UBASH3B: variants seen among roughly 807,000 people sequenced by gnomAD.
UBASH3B encodes ubiquitin-associated and SH3 domain-containing protein B.
UBASH3B carries 37 observed loss-of-function variants against 83.4 expected under a neutral mutation model. The ratio of observed to expected loss-of-function variants is 0.44; its 90% confidence interval spans 0.34 to 0.58. The LOEUF is 0.58. Ranked by LOEUF, UBASH3B falls within the 20% of genes least tolerant of loss-of-function variation. The pLI is 0.01. For synonymous variants in UBASH3B, 304 were observed against 318.3 expected (o/e 0.96, Z 0.48); for missense variants, 657 against 827.2 (o/e 0.79, Z 2.52).
intron 1 of UBASH3B, among the ~76,000 whole-genome samples, chr11:122,675,962 T>C (rs1591764041): frequency 6.6e-6 from 1 of 152,220 alleles, no homozygotes; most frequent in East Asian, 1.9e-4. Flanking sequence ...AAGCAGTACT[T>C]CCATTTTACA....
At chr11:122,789,912 G>A (rs78981758) in intron 6 of UBASH3B, among the ~76,000 whole-genome samples, 4,131 of 152,088 alleles carry the variant, frequency 0.027, 163 homozygotes, top group East Asian at 0.17. Flanking sequence ...CTTTCCACCC[G>A]TCCCTCATTA....
intron 1 of UBASH3B, among the ~76,000 whole-genome samples, chr11:122,742,809 T>C (rs183692196): frequency 3.6e-4 from 55 of 152,374 alleles, no homozygotes; most frequent in African/African-American, 1.3e-3. Context: ...AGAAATGTCA[T>C]ACTATGACTT....
chr11:122,734,791 C>A, intron 1 of UBASH3B, among the ~76,000 whole-genome samples: 1 of 149,366 alleles, frequency 6.7e-6, no homozygotes. Context: ...ACTTTTTAAG[C>A]TGTATCTTAA....
intron 1 of UBASH3B, chr11:122,726,094 C>T (rs575378004): frequency 6.6e-6 from 1 of 152,188 alleles, no homozygotes; most frequent in African/African-American, 2.4e-5. Flanking sequence ...GGTTTACACA[C>T]AAGTTTGCCC....
rs1491057397 is a variant in UBASH3B, at chr11:122,699,559, TTC to T, written c.161+43351_161+43352del. ...TTTCTTTCTTTCTTTCTTTCTTTCTTTCTTTCTTTCTTTCTTTTCTTTCTTTC... is the reference window on the plus strand; with the variant it reads ...TTTCTTTCTTTCTTTCTTTCTTTCTTTTTCTTTCTTTCTTTTCTTTCTTTC... On this transcript the variant is annotated intron_variant, in intron 1 of 13. Coordinates refer to ENST00000284273, the MANE Select transcript of UBASH3B (RefSeq NM_032873.5). Among the ~76,000 whole-genome samples the T allele has an allele frequency of 3.3e-4, 50 of 149,868 alleles. 1 individual carries two copies. The highest frequency in any genetic ancestry group is 3.0e-5 in the Non-Finnish European group (2 of 67,706).
At chr11:122,671,648 C>G (rs1863594089) in intron 1 of UBASH3B, among the ~76,000 whole-genome samples, 2 of 152,264 alleles carry the variant, frequency 1.3e-5, no homozygotes, top group Admixed American at 6.5e-5. Context: ...AGGGAGGCCA[C>G]AAGTGGGCTG....
At chr11:122,787,132 T>A (rs1463897131) in intron 5 of UBASH3B, among the ~76,000 whole-genome samples, 4 of 152,196 alleles carry the variant, frequency 2.6e-5, no homozygotes, top group Non-Finnish European at 4.4e-5. Flanking sequence ...AACACAAGTT[T>A]AGGCTTGTTT....
chr11:122,775,111 C>T (rs1277087476), intron 1 of UBASH3B, among the ~76,000 whole-genome samples: 1 of 152,226 alleles, frequency 6.6e-6, no homozygotes, highest in Non-Finnish European at 1.5e-5. Context: ...TTGTTCATTA[C>T]TGTATTCCTA....
At chr11:122,780,211 C>T (rs540330607) in intron 4 of UBASH3B, among the ~76,000 whole-genome samples, 1 of 152,250 alleles carries the variant, frequency 6.6e-6, no homozygotes, top group South Asian at 2.1e-4. Flanking sequence ...TGCTGAAAAC[C>T]ATTAGACAGG....
At chr11:122,688,692 T>G (rs1863843624) in intron 1 of UBASH3B, among the ~76,000 whole-genome samples, 2 of 151,532 alleles carry the variant, frequency 1.3e-5, no homozygotes, top group East Asian at 3.9e-4. Flanking sequence ...TTGCCCAGGC[T>G]GGAGTGCAGT....
chr11:122,794,688 A>G lies in UBASH3B; in HGVS notation c.981-14A>G, dbSNP rs377289913. The G allele has an allele frequency of 2.5e-6, 4 of 1,613,864 alleles. No individual in the cohort carries two copies. Among genetic ancestry groups the G allele is most frequent in the Non-Finnish European group, 3.4e-6 (4 of 1,179,960 alleles). ...GGCCAGAGCAGTTAACACCTTCCTT[A>G]TCTTCCTCTGCAGTTCTTATTCAAT... On this transcript the variant is annotated splice_polypyrimidine_tract_variant and intron_variant, in intron 6 of 13. Coordinates refer to ENST00000284273, the MANE Select transcript of UBASH3B (RefSeq NM_032873.5).
intron 1 of UBASH3B, among the ~76,000 whole-genome samples, chr11:122,680,617 C>A (rs1863725158): frequency 6.6e-6 from 1 of 152,194 alleles, no homozygotes. Context: ...GCATGTGCCA[C>A]CATGCCTGGC....
intron 1 of UBASH3B, among the ~76,000 whole-genome samples, chr11:122,682,880 C>A (rs10892881): frequency 0.2 from 31,027 of 152,202 alleles, 3,569 homozygotes; most frequent in Non-Finnish European, 0.26. Context: ...AAAACAAATG[C>A]GTCAAGCAAT....
chr11:122,666,536 A>G (rs943141460), intron 1 of UBASH3B, among the ~76,000 whole-genome samples: 5 of 151,852 alleles, frequency 3.3e-5, no homozygotes, highest in Non-Finnish European at 7.4e-5. Flanking sequence ...CTCCTGCCTC[A>G]GCCTCCTGAG....
intron 1 of UBASH3B, among the ~76,000 whole-genome samples, chr11:122,726,885 G>A (rs1262534440): frequency 6.6e-6 from 1 of 152,250 alleles, no homozygotes; most frequent in Non-Finnish European, 1.5e-5. Context: ...ATGTGGGAAA[G>A]TAATAAGTAA....
Position 122,779,589 on chromosome 11 carries a change from G to A in UBASH3B, c.495G>A (p.Glu165=). The change falls in exon 4 of 14, where the codon GAG becomes GAA. Residue 165 remains glutamate, a synonymous_variant. Coordinates refer to ENST00000284273, the MANE Select transcript of UBASH3B (RefSeq NM_032873.5). The stretch of plus-strand genomic sequence containing the variant: ...AGTTCTCGGCCCCGCTGCCCCTGGA[G>A]CTCTATACGTCGTCCAACTTCATCG... The part of the protein sequence containing the change: ...KCKFSAPLPL[E]LYTSSNFIGL... The A allele has an allele frequency of 6.2e-7, 1 of 1,614,198 alleles. No individual in the cohort carries two copies. The highest frequency in any genetic ancestry group is 8.5e-7 in the Non-Finnish European group (1 of 1,180,036).
At chr11:122,704,154 G>A (rs1478985168) in intron 1 of UBASH3B, among the ~76,000 whole-genome samples, 1 of 152,232 alleles carries the variant, frequency 6.6e-6, no homozygotes, top group African/African-American at 2.4e-5. Context: ...AAAGCTGAGT[G>A]ACCTTTTATT....
chr11:122,785,598 A>G (rs1019634290), intron 5 of UBASH3B, among the ~76,000 whole-genome samples: 14 of 152,240 alleles, frequency 9.2e-5, no homozygotes, highest in African/African-American at 3.1e-4. Context: ...CCAGTTTAAT[A>G]TACCAACCGA....
intron 1 of UBASH3B, among the ~76,000 whole-genome samples, chr11:122,761,559 C>T (rs762527254): frequency 3.9e-5 from 6 of 152,112 alleles, no homozygotes; most frequent in South Asian, 4.1e-4. Flanking sequence ...GGTCTGCATA[C>T]GTTTTCTCTG....
Sources: gnomAD v4.1 joint callset for allele counts (sites outside exome capture counted in the v4.1 genomes callset) on GRCh38, gnomAD v4.1.1 for gene constraint, MANE v1.5 for transcripts, NCBI Gene and HGNC (gene_info 2026-07-23, HGNC 2026-07-21) for gene names.